The following HCN1 variants were observed in gnomAD, a reference collection of about 807,000 sequenced individuals.
HCN1 encodes the protein potassium/sodium hyperpolarization-activated cyclic nucleotide-gated channel 1.
Under a neutral mutation model 78.9 loss-of-function variants are expected in HCN1, and 13 were observed. The ratio of observed to expected loss-of-function variants is 0.16; its 90% CI spans 0.11 to 0.26. The LOEUF (loss-of-function observed/expected upper bound fraction) is 0.26. Ranked by LOEUF, HCN1 falls within the 10% of genes least tolerant of loss-of-function variation. HCN1 has a pLI of 1.00. For missense variants in HCN1, 810 were observed against 1,154.3 expected, an observed-to-expected ratio of 0.70 and a Z score of 4.32; for synonymous variants, 552 against 455.5, an observed-to-expected ratio of 1.21 and a Z score of -2.70.
At chr5:45,420,912 T>C (rs1740213473) in intron 3 of HCN1, among the ~76,000 whole-genome samples, 1 of 152,202 alleles carries the variant, frequency 6.6e-6, no homozygotes, top group Admixed American at 6.5e-5. Context: ...CCATGTGGTT[T>C]CCTTATCCTA....
chr5:45,572,925 G>A (rs535171158), intron 2 of HCN1, among the ~76,000 whole-genome samples: 1 of 152,266 alleles, frequency 6.6e-6, no homozygotes, highest in African/African-American at 2.4e-5. Context: ...AATAGGAAGT[G>A]TGTGGGTAGG....
At chr5:45,375,920 TTA>T (rs1340210162) in intron 4 of HCN1, among the ~76,000 whole-genome samples, 2 of 122,604 alleles carry the variant, frequency 1.6e-5, no homozygotes, top group Non-Finnish European at 3.1e-5. Flanking sequence ...ATCTTATATA[TTA>T]TATATGATAT....
chr5:45,688,232 C>T (rs887236948), intron 1 of HCN1, among the ~76,000 whole-genome samples: 3 of 152,222 alleles, frequency 2.0e-5, no homozygotes, highest in South Asian at 2.1e-4. Flanking sequence ...CAATCCATCA[C>T]GTTTCCCAGA....
rs1742158360 is a variant in HCN1 at position 45,500,136 on chromosome 5, C to T, written c.850-38129G>A. Among the ~76,000 whole-genome samples, 5 of 151,960 alleles carry T rather than the reference C, an allele frequency of 3.3e-5. No homozygotes were observed. The South Asian group carries it at 8.3e-4, about 25-fold the overall frequency. ...GTTTCCAGGGACAACAATATAGATG[C>T]CATGACTGGTGACATTTAAAGAATT... On this transcript the variant is annotated intron_variant, in intron 2 of 7. Transcript: ENST00000303230.
chr5:45,373,574 C>G (rs952025773), intron 4 of HCN1, among the ~76,000 whole-genome samples: 19 of 137,660 alleles, frequency 1.4e-4, no homozygotes, highest in Admixed American at 5.5e-4. Flanking sequence ...ACATTATATA[C>G]GTCATCTATA....
intron 6 of HCN1, among the ~76,000 whole-genome samples, chr5:45,299,892 T>G (rs1449089263): frequency 6.6e-6 from 1 of 151,920 alleles, no homozygotes; most frequent in South Asian, 2.1e-4. Flanking sequence ...TAGACCAATC[T>G]CACTCATGGA....
intron 1 of HCN1, among the ~76,000 whole-genome samples, chr5:45,678,442 C>T (rs1739636546): frequency 6.6e-6 from 1 of 151,878 alleles, no homozygotes; most frequent in Admixed American, 6.6e-5. Context: ...TAAGCTAATA[C>T]ATAACATTTA....
chr5:45,605,029 T>C (rs1744697974), intron 2 of HCN1, among the ~76,000 whole-genome samples: 1 of 152,036 alleles, frequency 6.6e-6, no homozygotes. Context: ...GCTATTAACA[T>C]TGCAGATTTT....
chr5:45,441,159 T>C (rs748326870), intron 3 of HCN1, among the ~76,000 whole-genome samples: 7 of 152,218 alleles, frequency 4.6e-5, no homozygotes, highest in Non-Finnish European at 7.3e-5. Flanking sequence ...TCTGTTTCCT[T>C]GCTTTAAATT....
intron 2 of HCN1, among the ~76,000 whole-genome samples, chr5:45,469,997 TC>T (rs1226021411): frequency 6.6e-6 from 1 of 151,996 alleles, no homozygotes; most frequent in Non-Finnish European, 1.5e-5. Flanking sequence ...ATATGCCAAC[TC>T]GCTTATTGCA....
intron 2 of HCN1, among the ~76,000 whole-genome samples, chr5:45,571,593 A>G (rs1219919202): frequency 6.6e-6 from 1 of 152,180 alleles, no homozygotes; most frequent in East Asian, 1.9e-4. Flanking sequence ...GATATTTACT[A>G]CAGATTTTTA....
chr5:45,511,954 G>A (rs1742424854), intron 2 of HCN1, among the ~76,000 whole-genome samples: 1 of 151,930 alleles, frequency 6.6e-6, no homozygotes. Flanking sequence ...CAAATTAAAA[G>A]TTTACTTGAA....
At chr5:45,327,458 A>C (rs1356796772) in intron 5 of HCN1, among the ~76,000 whole-genome samples, 1 of 151,694 alleles carries the variant, frequency 6.6e-6, no homozygotes, top group Non-Finnish European at 1.5e-5. Flanking sequence ...ATTCAAACAT[A>C]ACAATATATG....
chr5:45,349,452 CAATT>C (rs1294367384), intron 5 of HCN1, among the ~76,000 whole-genome samples: 1 of 152,018 alleles, frequency 6.6e-6, no homozygotes, highest in Non-Finnish European at 1.5e-5. Context: ...CCTAACATCA[CAATT>C]AAAAGAACTA....
At chr5:45,538,223 C>A (rs1295388385) in intron 2 of HCN1, among the ~76,000 whole-genome samples, 4 of 152,166 alleles carry the variant, frequency 2.6e-5, no homozygotes, top group Non-Finnish European at 5.9e-5. Flanking sequence ...TAAATTCATA[C>A]TTTTAGTAGT....
chr5:45,365,538 C>T (rs1747217307), intron 4 of HCN1, among the ~76,000 whole-genome samples: 2 of 151,942 alleles, frequency 1.3e-5, no homozygotes, highest in African/African-American at 4.8e-5. Flanking sequence ...TTTTTTATGG[C>T]TGTGTAGTAT....
intron 2 of HCN1, among the ~76,000 whole-genome samples, chr5:45,512,889 T>A (rs1015987430): frequency 6.6e-6 from 1 of 152,254 alleles, no homozygotes; most frequent in East Asian, 1.9e-4. Flanking sequence ...GGTTTTTAGA[T>A]AGAGTGAAGT....
intron 4 of HCN1, among the ~76,000 whole-genome samples, chr5:45,364,165 C>T (rs1355577137): frequency 3.2e-4 from 48 of 152,180 alleles, no homozygotes; most frequent in Non-Finnish European, 7.4e-5. Context: ...CATTTGTTGG[C>T]ATCTTTTAAT....
At chr5:45,303,950 A>G (rs958954127) in intron 5 of HCN1, 111 bp from the exon 6 acceptor site, 8 of 997,410 alleles carry the variant, frequency 8.0e-6, no homozygotes, top group African/African-American at 3.3e-5. Context: ...TTAAATTTAG[A>G]TACAAAAATT....
Sources: gnomAD v4.1 joint callset for allele counts (sites outside exome capture counted in the v4.1 genomes callset) on GRCh38, gnomAD v4.1.1 for gene constraint, MANE v1.5 for transcripts, NCBI Gene and HGNC (gene_info 2026-07-23, HGNC 2026-07-21) for gene names.